Variants in BAZ1B observed in about 807,000 individuals in gnomAD.
The protein encoded by BAZ1B is tyrosine-protein kinase BAZ1B.
Under a neutral mutation model 153.8 loss-of-function variants are expected in BAZ1B, and 22 were observed. That is an observed-to-expected ratio of 0.14 (90% CI 0.10 to 0.20). The LOEUF is 0.20. Ranked by LOEUF, BAZ1B falls within the 10% of genes least tolerant of loss-of-function variation. The probability of loss-of-function intolerance (pLI) is 1.00; values close to 1 mark genes in which losing one functional copy is unlikely to be tolerated. For missense variants in BAZ1B, 1,325 were observed against 1,799.3 expected (o/e 0.74, Z 4.77); for synonymous variants, 676 against 633.4 (o/e 1.07, Z -1.01).
At chr7:73,486,111 T>C (rs1789396078) in intron 6 of BAZ1B, among the ~76,000 whole-genome samples, 1 of 152,204 alleles carries the variant, frequency 6.6e-6, no homozygotes, top group African/African-American at 2.4e-5. Flanking sequence ...TTACCTATTA[T>C]ATGCAACATA....
At chr7:73,495,895 G>GGGTA (rs1328537877) in intron 4 of BAZ1B, among the ~76,000 whole-genome samples, 1 of 152,108 alleles carries the variant, frequency 6.6e-6, no homozygotes, top group Non-Finnish European at 1.5e-5. Context: ...AACAACTAAT[G>GGGTA]GGTACTAGGC....
At chr7:73,475,252 C>T (rs532329722) in intron 7 of BAZ1B, among the ~76,000 whole-genome samples, 1 of 152,228 alleles carries the variant, frequency 6.6e-6, no homozygotes, top group African/African-American at 2.4e-5. Flanking sequence ...AAGTATATGA[C>T]TACTCAAAAA....
At chr7:73,514,968 G>T (rs1284211377) in intron 1 of BAZ1B, among the ~76,000 whole-genome samples, 2 of 152,200 alleles carry the variant, frequency 1.3e-5, no homozygotes, top group East Asian at 3.9e-4. Flanking sequence ...AGCTACTCGG[G>T]AGGCTGAGGC....
chr7:73,519,800 T>G (rs1283150299), intron 1 of BAZ1B, among the ~76,000 whole-genome samples: 1 of 152,170 alleles, frequency 6.6e-6, no homozygotes, highest in Non-Finnish European at 1.5e-5. Flanking sequence ...TGAGAAAGTA[T>G]CATCTGAAAG....
intron 17 of BAZ1B, 51 bp downstream of exon 17, chr7:73,443,933 T>C (rs1011894095): frequency 6.2e-7 from 1 of 1,607,508 alleles, no homozygotes; most frequent in Non-Finnish European, 8.5e-7. Flanking sequence ...ATTGCTGGGG[T>C]AGGGAATAAG....
At chr7:73,510,486 T>A (rs1203697458) in intron 2 of BAZ1B, among the ~76,000 whole-genome samples, 1 of 152,094 alleles carries the variant, frequency 6.6e-6, no homozygotes, top group Non-Finnish European at 1.5e-5. Context: ...AAGGTCAAAG[T>A]ATGGAGCAGG....
chr7:73,485,482 T>C (rs1235686266), intron 6 of BAZ1B, among the ~76,000 whole-genome samples: 1 of 151,894 alleles, frequency 6.6e-6, no homozygotes, highest in Non-Finnish European at 1.5e-5. Flanking sequence ...AAAAATCAGT[T>C]GGGCATGGTG....
chr7:73,512,299 AT>A (rs113787048), intron 1 of BAZ1B, among the ~76,000 whole-genome samples: 525 of 140,534 alleles, frequency 3.7e-3, no homozygotes, highest in Admixed American at 3.4e-3. Flanking sequence ...TTTTTGTGTG[AT>A]TTTTTTTTTT....
intron 6 of BAZ1B, among the ~76,000 whole-genome samples, chr7:73,484,011 T>C (rs1156886420): frequency 6.6e-6 from 1 of 152,194 alleles, no homozygotes; most frequent in African/African-American, 2.4e-5. Context: ...CTCATGCCTG[T>C]AATCCCAGCA....
Position 73,478,333 on chromosome 7 carries a change from A to C in BAZ1B, c.1128T>G (p.Asn376Lys), listed in dbSNP as rs1055282159. The C allele has an allele frequency of 2.5e-6, 4 of 1,613,676 alleles. No homozygotes were observed. Among genetic ancestry groups the C allele is most frequent in the Non-Finnish European group, 3.4e-6 (4 of 1,179,934 alleles). Residue 376 changes from asparagine to lysine, a missense_variant, in exon 7 of 20, where the codon AAT becomes AAG. By Grantham distance (94) the Asn-to-Lys change is moderately conservative. This residue lies in a region of BAZ1B where 219 missense variants were observed against 248.2 expected (regional missense o/e 0.88). Coordinates refer to ENST00000339594, the MANE Select transcript of BAZ1B (RefSeq NM_032408.4). ...LEEMMKMMSP[N>K]KLHTNFHIPK... is the part of the protein sequence containing the mutation. ...GAATGTGAAAGTTAGTGTGCAGCTT[A>C]TTGGGCGACATCATCTTCATCATTT...
chr7:73,504,594 GC>G (rs1313927244), intron 3 of BAZ1B, among the ~76,000 whole-genome samples: 8 of 152,146 alleles, frequency 5.3e-5, no homozygotes, highest in African/African-American at 1.9e-4. Flanking sequence ...AACCCGGGAG[GC>G]GGAGCTTGCA....
intron 13 of BAZ1B, among the ~76,000 whole-genome samples, chr7:73,453,000 A>G (rs549568796): frequency 6.6e-6 from 1 of 152,226 alleles, no homozygotes; most frequent in African/African-American, 2.4e-5. Flanking sequence ...TAAAAACCGA[A>G]ATCAACCACT....
chr7:73,476,685 A>C (rs1243470007), intron 7 of BAZ1B, among the ~76,000 whole-genome samples, 183 bp downstream of exon 7: 10 of 152,196 alleles, frequency 6.6e-5, no homozygotes, highest in African/African-American at 2.2e-4. Context: ...CAGGCTGAAC[A>C]CTCCAGCTGA....
rs1265569717 is a variant in BAZ1B at position 73,476,768 on chromosome 7, A to AT, written c.2593+99_2593+100insA. The AT allele has an allele frequency of 4.0e-6, 6 of 1,504,762 alleles. No individual in the cohort carries two copies. The Admixed American group carries it at 1.1e-4, about 29-fold the overall frequency. 93.2% of individuals were successfully genotyped at this position (1,504,762 alleles called of 1,614,324 possible). ...TAGGTGCTGGGTTATTACATACAGA[A>AT]ATAAGTAAACAAACAGAGACCCTAC... On this transcript the variant is annotated intron_variant, in intron 7 of 19. Coordinates refer to ENST00000339594, the MANE Select transcript of BAZ1B (RefSeq NM_032408.4).
chr7:73,496,568 T>C (rs1789907158), intron 4 of BAZ1B, among the ~76,000 whole-genome samples: 1 of 152,180 alleles, frequency 6.6e-6, no homozygotes, highest in Non-Finnish European at 1.5e-5. Flanking sequence ...ACCTACATTT[T>C]TGGAGACAAC....
chr7:73,517,324 C>G (rs1264682027), intron 1 of BAZ1B, among the ~76,000 whole-genome samples: 1 of 152,056 alleles, frequency 6.6e-6, no homozygotes, highest in Non-Finnish European at 1.5e-5. Flanking sequence ...AAGACCTCGT[C>G]TCGTCTCTAC....
rs1385266685 is a variant in BAZ1B, at chr7:73,441,347, A to G, written c.*362T>C. On this transcript the variant is annotated 3_prime_UTR_variant, in exon 20 of 20. Transcript: ENST00000339594. Reference sequence around the variant, plus strand: ...AAAGTCAATTTAAAAAAAAAATTAAACATTTAAATTCTTCCTGCTTTTCTT... The same window carrying G: ...AAAGTCAATTTAAAAAAAAAATTAAGCATTTAAATTCTTCCTGCTTTTCTT... 1 of 152,582 alleles carries G rather than the reference A, an allele frequency of 6.6e-6. No individual in the cohort carries two copies. Among genetic ancestry groups the G allele is most frequent in the African/African-American group, 2.4e-5 (1 of 41,446 alleles). The allele number at this position is 152,582 out of a possible 1,614,324, so 9.5% of individuals were successfully genotyped here.
At position 73,506,927 on chromosome 7, in the gene BAZ1B, G is replaced by A. The variant is rs572227716; in HGVS notation, c.369+1400C>T. 2.2e-5 allele frequency among the ~76,000 whole-genome samples: 3 copies of A among 133,396 alleles called. No homozygotes were observed. In the East Asian group the frequency reaches 6.8e-4, roughly 30 times the overall value. 87.5% of individuals were successfully genotyped at this position (133,396 alleles called of 152,430 possible). On this transcript the variant is annotated intron_variant, in intron 3 of 19. Transcript: ENST00000339594. Reference sequence around the variant, plus strand: ...GGAGTCTTGCTCTGTCCCCCAGGCTGGAGTGCAGTGGCACGATCTCGGCTC... The same window carrying A: ...GGAGTCTTGCTCTGTCCCCCAGGCTAGAGTGCAGTGGCACGATCTCGGCTC...
At chr7:73,499,070 G>A (rs2116413007) in intron 3 of BAZ1B, among the ~76,000 whole-genome samples, 1 of 152,128 alleles carries the variant, frequency 6.6e-6, no homozygotes, top group Middle Eastern at 3.4e-3. Context: ...CTGTCACCCA[G>A]GCTGAAGTGC....
Sources: allele counts gnomAD v4.1 joint callset (sites outside exome capture counted in the v4.1 genomes callset), GRCh38; gene constraint gnomAD v4.1.1; regional missense constraint gnomAD v4.1.1; transcripts MANE v1.5; gene names NCBI Gene and HGNC (gene_info 2026-07-23, HGNC 2026-07-21).